Variants in TCF7L2 observed in about 807,000 individuals in gnomAD.
TCF7L2 encodes transcription factor 7 like 2, also known as transcription factor 7-like 2.
Under a neutral mutation model 77.9 loss-of-function variants are expected in TCF7L2, and 23 were observed. That is an observed-to-expected ratio of 0.30 (90% confidence interval 0.21 to 0.42). The LOEUF (loss-of-function observed/expected upper bound fraction) is 0.42. Among genes scored for constraint, TCF7L2 ranks in the 10% least tolerant of loss-of-function variants. TCF7L2 has a pLI of 1.00. For synonymous variants in TCF7L2, 413 were observed against 340.2 expected (o/e 1.21, Z -2.36); for missense variants, 654 against 793.1 (o/e 0.82, Z 2.11).
rs1032740330 is a variant in TCF7L2 at position 113,045,353 on chromosome 10, G to T, written c.552+5227G>T. Among the ~76,000 whole-genome samples, 6 of 152,218 alleles carry T rather than the reference G, an allele frequency of 3.9e-5. No homozygotes were observed. In the East Asian group the frequency reaches 1.2e-3, roughly 29 times the overall value. On this transcript the variant is annotated intron_variant, in intron 5 of 13. Coordinates refer to ENST00000627217, the MANE Select transcript of TCF7L2 (RefSeq NM_001146274.2). The stretch of plus-strand genomic sequence containing the variant: ...GGTGGGGATTTGCCCAGTCGTGGGA[G>T]TCAGGATGTGAAACAAGGCACCCTG...
intron 4 of TCF7L2, among the ~76,000 whole-genome samples, chr10:112,992,372 C>T (rs1472316942): frequency 6.6e-6 from 1 of 152,180 alleles, no homozygotes; most frequent in African/African-American, 2.4e-5. Context: ...TGCATGCCCT[C>T]CGGGAGACAC....
At chr10:113,020,617 A>T (rs2048127524) in intron 4 of TCF7L2, among the ~76,000 whole-genome samples, 1 of 152,168 alleles carries the variant, frequency 6.6e-6, no homozygotes, top group East Asian at 1.9e-4. Flanking sequence ...CTGTAATAAT[A>T]ATAACTTGTG....
intron 5 of TCF7L2, among the ~76,000 whole-genome samples, chr10:113,077,736 T>C (rs943324389): frequency 4.7e-5 from 7 of 149,188 alleles, no homozygotes; most frequent in Non-Finnish European, 7.4e-5. Flanking sequence ...AGTCTTGCTG[T>C]GTCGCCCAGG....
chr10:113,100,994 G>T (rs2061568281), intron 5 of TCF7L2, among the ~76,000 whole-genome samples: 1 of 152,118 alleles, frequency 6.6e-6, no homozygotes, highest in African/African-American at 2.4e-5. Context: ...AGAATTGCTT[G>T]AACCAGGGAG....
At chr10:113,053,264 T>C (rs2054783949) in intron 5 of TCF7L2, among the ~76,000 whole-genome samples, 1 of 152,170 alleles carries the variant, frequency 6.6e-6, no homozygotes, top group African/African-American at 2.4e-5. Context: ...GGGCTGAGAC[T>C]CTAGGGGTGG....
intron 5 of TCF7L2, among the ~76,000 whole-genome samples, chr10:113,121,083 T>A (rs866139189): frequency 6.6e-6 from 1 of 152,274 alleles, no homozygotes; most frequent in Middle Eastern, 3.4e-3. Context: ...GAAAAGGGAT[T>A]GAGGCAAAAG....
intron 5 of TCF7L2, among the ~76,000 whole-genome samples, chr10:113,063,294 TA>T (rs1407361538): frequency 1.3e-5 from 2 of 152,192 alleles, no homozygotes; most frequent in African/African-American, 4.8e-5. Flanking sequence ...GGCTAATGCT[TA>T]TATTTACTGA....
At chr10:113,089,852 C>A (rs1470472186) in intron 5 of TCF7L2, among the ~76,000 whole-genome samples, 1 of 152,208 alleles carries the variant, frequency 6.6e-6, no homozygotes, top group Non-Finnish European at 1.5e-5. Context: ...AGGAGCACAA[C>A]ATTATCCCAT....
intron 4 of TCF7L2, among the ~76,000 whole-genome samples, chr10:112,995,617 C>T (rs2043324487): frequency 6.6e-6 from 1 of 152,148 alleles, no homozygotes; most frequent in South Asian, 2.1e-4. Flanking sequence ...GACCTTTCAC[C>T]TGGGCTATTC....
chr10:113,040,181 A>T (rs2134269361), intron 5 of TCF7L2, 55 bp downstream of exon 5: 1 of 1,519,254 alleles, frequency 6.6e-7, no homozygotes, highest in Non-Finnish European at 9.0e-7. Flanking sequence ...GAAAAAGAAA[A>T]TGCTTTTTTG....
chr10:113,067,813 C>T (rs1408445447), intron 5 of TCF7L2, among the ~76,000 whole-genome samples: 1 of 151,532 alleles, frequency 6.6e-6, no homozygotes, highest in Non-Finnish European at 1.5e-5. Flanking sequence ...TTCTTTTTGT[C>T]CCTTTAGCTC....
At chr10:112,988,627 A>T (rs1455752280) in intron 4 of TCF7L2, among the ~76,000 whole-genome samples, 1 of 152,154 alleles carries the variant, frequency 6.6e-6, no homozygotes, top group Non-Finnish European at 1.5e-5. Context: ...TAATGCAAAT[A>T]TGAGCCTAGG....
chr10:112,956,367 T>TA (rs57656252), intron 3 of TCF7L2, among the ~76,000 whole-genome samples: 38,014 of 110,496 alleles, frequency 0.34, 6,277 homozygotes, highest in African/African-American at 0.44. Flanking sequence ...TTTTTTTTTT[T>TA]AAATGCTGGA....
intron 4 of TCF7L2, among the ~76,000 whole-genome samples, chr10:112,991,613 G>A (rs2042565570): frequency 6.6e-6 from 1 of 152,136 alleles, no homozygotes; most frequent in Non-Finnish European, 1.5e-5. Context: ...CAGGCTCAGA[G>A]GCTGCTACAG....
chr10:113,160,487 C>G, intron 12 of TCF7L2: 1 of 647,784 alleles, frequency 1.5e-6, no homozygotes, highest in Non-Finnish European at 2.4e-6. Flanking sequence ...CTTTCATGTC[C>G]TTGGTGAGGG....
intron 3 of TCF7L2, among the ~76,000 whole-genome samples, chr10:112,962,123 T>C (rs565219199): frequency 1.3e-5 from 2 of 152,298 alleles, no homozygotes; most frequent in African/African-American, 4.8e-5. Flanking sequence ...TTGATTAATT[T>C]ATTCATAAGA....
intron 4 of TCF7L2, among the ~76,000 whole-genome samples, chr10:112,985,441 A>G (rs2041299488): frequency 6.6e-6 from 1 of 152,160 alleles, no homozygotes; most frequent in Non-Finnish European, 1.5e-5. Flanking sequence ...CATATAATAT[A>G]TAAACACATA....
rs1423202889 is a variant in TCF7L2, at chr10:112,950,307, T to C, written c.-450T>C. The C allele has an allele frequency of 4.3e-6, 1 of 232,698 alleles. No homozygotes were observed. The highest frequency in any genetic ancestry group is 2.3e-5 in the African/African-American group (1 of 44,056). The allele number at this position is 232,698 out of a possible 1,614,324, so 14.4% of individuals were successfully genotyped here. On this transcript the variant is annotated 5_prime_UTR_variant, in exon 1 of 14. Coordinates refer to ENST00000627217, the MANE Select transcript of TCF7L2 (RefSeq NM_001146274.2). ...CCGGATTTCGATCCCCCTTTTTCTA[T>C]CTGTCAATCAGCGCCGCCTTTGAAC...
chr10:113,160,862 C>T (rs2073054146), intron 13 of TCF7L2, among the ~76,000 whole-genome samples: 1 of 152,218 alleles, frequency 6.6e-6, no homozygotes, highest in African/African-American at 2.4e-5. Context: ...ATTTCCTCTC[C>T]CCACTTTCTC....
Sources: gnomAD v4.1 joint callset for allele counts (sites outside exome capture counted in the v4.1 genomes callset) on GRCh38, gnomAD v4.1.1 for gene constraint, MANE v1.5 for transcripts, NCBI Gene and HGNC (gene_info 2026-07-23, HGNC 2026-07-21) for gene names.